ABCB5: variants seen among roughly 807,000 people sequenced by gnomAD.
ABCB5 encodes ATP-binding cassette sub-family B member 5.
A neutral mutation model predicts 144.2 loss-of-function variants in ABCB5; 155 were observed. That is an observed-to-expected ratio of 1.08 (90% CI 0.94 to 1.23). ABCB5 has a LOEUF of 1.23. ABCB5 is among the 50% of genes most tolerant of loss of function. The probability of loss-of-function intolerance (pLI) is 0.00; values close to 1 mark genes in which losing one functional copy is unlikely to be tolerated. For missense variants in ABCB5, 1,830 were observed against 1,520.8 expected (o/e 1.20, Z -3.38); for synonymous variants, 610 against 528.6 (o/e 1.15, Z -2.11).
intron 26 of ABCB5, among the ~76,000 whole-genome samples, chr7:20,751,043 T>A (rs2128057598): frequency 6.6e-6 from 1 of 152,242 alleles, no homozygotes; most frequent in South Asian, 2.1e-4. Flanking sequence ...TCCAACCCAG[T>A]GCCTGCAGGG....
At chr7:20,737,995 G>A (rs1408282263) in intron 23 of ABCB5, among the ~76,000 whole-genome samples, 2 of 152,154 alleles carry the variant, frequency 1.3e-5, no homozygotes, top group African/African-American at 4.8e-5. Context: ...TGAGGTCTAG[G>A]TCACTGAAGA....
rs5882755 is a variant in ABCB5 at position 20,702,828 on chromosome 7, A to AT, written c.2338-1875dup. Among the ~76,000 whole-genome samples, 659 of 114,084 alleles carry AT rather than the reference A, an allele frequency of 5.8e-3. 7 individuals are homozygous for AT. The highest frequency in any genetic ancestry group is 0.031 in the Admixed American group (326 of 10,566). 74.8% of individuals were successfully genotyped at this position (114,084 alleles called of 152,430 possible). On this transcript the variant is annotated intron_variant, in intron 19 of 27. Coordinates refer to ENST00000404938, the MANE Select transcript of ABCB5 (RefSeq NM_001163941.2). ...AGGCGCCCACCGCCACGCCTGGCTA[A>AT]TTTTTTTTTTTTTTTTTTTTTGTAT... is the stretch of plus-strand genomic sequence containing the variant.
chr7:20,658,180 G>C (rs1784872569), intron 13 of ABCB5, among the ~76,000 whole-genome samples: 1 of 151,990 alleles, frequency 6.6e-6, no homozygotes, highest in Non-Finnish European at 1.5e-5. Context: ...TTCTTTTAAA[G>C]ATTTCAAAGC....
intron 26 of ABCB5, among the ~76,000 whole-genome samples, chr7:20,752,656 G>T (rs1487586013): frequency 6.6e-6 from 1 of 152,158 alleles, no homozygotes; most frequent in African/African-American, 2.4e-5. Context: ...TGACCAGCCT[G>T]GCCAACGTGG....
intron 20 of ABCB5, among the ~76,000 whole-genome samples, chr7:20,716,617 T>C (rs1166774768): frequency 6.6e-6 from 1 of 152,094 alleles, no homozygotes; most frequent in African/African-American, 2.4e-5. Flanking sequence ...TATGCATTAA[T>C]AAACATTAAA....
intron 24 of ABCB5, among the ~76,000 whole-genome samples, chr7:20,739,652 A>C (rs1324049221): frequency 5.9e-5 from 9 of 152,174 alleles, no homozygotes; most frequent in African/African-American, 2.2e-4. Flanking sequence ...ATTGATTCTT[A>C]TACTGAATTC....
chr7:20,664,268 C>G (rs1355511169), intron 14 of ABCB5, among the ~76,000 whole-genome samples: 3 of 152,160 alleles, frequency 2.0e-5, no homozygotes, highest in African/African-American at 7.2e-5. Flanking sequence ...CTCACACTGT[C>G]TTCTTGGGAA....
intron 22 of ABCB5, 148 bp downstream of exon 22, chr7:20,727,288 C>T: frequency 1.9e-6 from 1 of 521,734 alleles, no homozygotes; most frequent in Middle Eastern, 3.3e-4. Context: ...TATGACTTCA[C>T]CAAGAGAAAC....
At chr7:20,637,271 T>C (rs192730842) in intron 5 of ABCB5, among the ~76,000 whole-genome samples, 21 of 152,288 alleles carry the variant, frequency 1.4e-4, no homozygotes, top group African/African-American at 5.1e-4. Flanking sequence ...TAATGTTAAG[T>C]CTATGCCCCT....
intron 23 of ABCB5, among the ~76,000 whole-genome samples, chr7:20,728,889 AT>A (rs560783430): frequency 1.3e-5 from 2 of 152,178 alleles, no homozygotes; most frequent in East Asian, 1.9e-4. Flanking sequence ...GTATGCTTGA[AT>A]TTTTTTTAAG....
chr7:20,615,813 T>C lies in ABCB5; in HGVS notation c.-46T>C, dbSNP rs1783671083. ...CTTCAACTGACTGGATGGGGCCCAC[T>C]CAAAACAGCATCTAAGGAATTAAAG... On this transcript the variant is annotated 5_prime_UTR_variant, in exon 1 of 28. Transcript: ENST00000404938. 1 of 152,212 alleles carries C rather than the reference T, an allele frequency of 6.6e-6. No homozygotes were observed. Among genetic ancestry groups the C allele is most frequent in the African/African-American group, 2.4e-5 (1 of 41,384 alleles). 9.4% of individuals were successfully genotyped at this position (152,212 alleles called of 1,614,324 possible). A position where few individuals can be genotyped will look rare whatever the true frequency, so the allele number is the denominator to read the frequency against.
chr7:20,659,160 C>A, intron 14 of ABCB5: 1 of 1,613,552 alleles, frequency 6.2e-7, no homozygotes, highest in Non-Finnish European at 8.5e-7. Flanking sequence ...GCCCCTCAAA[C>A]CTCACCCTGA....
rs150789181 is a variant in ABCB5 at position 20,711,692 on chromosome 7, G to A, written c.2421+6885G>A. 5.6e-3 allele frequency among the ~76,000 whole-genome samples: 835 copies of A among 147,964 alleles called. 91 individuals are homozygous for A. Among genetic ancestry groups the A allele is most frequent in the African/African-American group, 0.02 (796 of 39,362 alleles). On this transcript the variant is annotated intron_variant, in intron 20 of 27. Transcript: ENST00000404938. ...TAGTCTTGAACTCCTGGGCTCAAGT[G>A]AGCTGCCCACCTCAGCCTCCTGAAG...
intron 23 of ABCB5, among the ~76,000 whole-genome samples, chr7:20,729,276 G>A (rs4721941): frequency 0.45 from 67,862 of 152,008 alleles, 17,199 homozygotes; most frequent in East Asian, 0.69. Context: ...ATGGGAATGT[G>A]GGGGCAAAAT....
At chr7:20,718,674 G>C (rs936706458) in intron 20 of ABCB5, among the ~76,000 whole-genome samples, 3 of 151,986 alleles carry the variant, frequency 2.0e-5, no homozygotes, top group Admixed American at 1.3e-4. Context: ...TTTATAGTTT[G>C]GTGAAAATTG....
chr7:20,630,774 A>G (rs1784019749), intron 4 of ABCB5, among the ~76,000 whole-genome samples: 1 of 152,158 alleles, frequency 6.6e-6, no homozygotes, highest in Admixed American at 6.5e-5. Context: ...TGTTAAGTTT[A>G]TTCTGTAATT....
chr7:20,730,940 A>G (rs1782188839), intron 23 of ABCB5, among the ~76,000 whole-genome samples: 1 of 152,124 alleles, frequency 6.6e-6, no homozygotes, highest in South Asian at 2.1e-4. Context: ...AGCCAATTAA[A>G]CATATTCATA....
chr7:20,626,899 C>G (rs1330983631), intron 3 of ABCB5, among the ~76,000 whole-genome samples: 1 of 142,916 alleles, frequency 7.0e-6, no homozygotes, highest in Non-Finnish European at 1.5e-5. Context: ...GTGTATCATA[C>G]ATAAATGTTA....
intron 19 of ABCB5, among the ~76,000 whole-genome samples, chr7:20,702,828 A>ATTTTTTTTTTTTTTTTTTT (rs5882755): frequency 8.8e-6 from 1 of 114,120 alleles, no homozygotes; most frequent in African/African-American, 3.3e-5. Context: ...CGCCTGGCTA[A>ATTTTTTTTTTTTTTTTTTT]TTTTTTTTTT....
Sources: gnomAD v4.1 joint callset for allele counts (sites outside exome capture counted in the v4.1 genomes callset) on GRCh38, gnomAD v4.1.1 for gene constraint, MANE v1.5 for transcripts, NCBI Gene and HGNC (gene_info 2026-07-23, HGNC 2026-07-21) for gene names.